Variants in PDE4D observed in about 807,000 individuals in gnomAD.
PDE4D encodes the protein phosphodiesterase 4D.
In PDE4D, 24 loss-of-function variants were observed where a neutral mutation model predicts 87.4. The observed-to-expected ratio is 0.27, with a 90% CI of 0.20 to 0.39. The LOEUF is 0.39. PDE4D is among the 10% of genes least tolerant of loss of function. The probability of loss-of-function intolerance (pLI) is 1.00; values close to 1 mark genes in which losing one functional copy is unlikely to be tolerated. For missense variants in PDE4D, 714 were observed against 1,041.0 expected (o/e 0.69, Z 4.32); for synonymous variants, 384 against 383.2 (o/e 1.00, Z -0.02).
chr5:59,594,397 T>C (rs1207573456), intron 1 of PDE4D, among the ~76,000 whole-genome samples: 1 of 151,976 alleles, frequency 6.6e-6, no homozygotes, highest in Non-Finnish European at 1.5e-5. Context: ...CTTGGCTCAC[T>C]GCAACTTCCG....
intron 1 of PDE4D, among the ~76,000 whole-genome samples, chr5:59,326,595 A>T (rs1186129008): frequency 1.3e-5 from 2 of 152,150 alleles, no homozygotes; most frequent in Non-Finnish European, 2.9e-5. Context: ...ATTAATAAAA[A>T]TCTAAAATTG....
At chr5:60,512,875 G>A (rs1429319084) in intron 1 of PDE4D, among the ~76,000 whole-genome samples, 2 of 152,144 alleles carry the variant, frequency 1.3e-5, no homozygotes, top group African/African-American at 2.4e-5. Flanking sequence ...TATCTAAATA[G>A]ATATTGACTG....
intron 1 of PDE4D, among the ~76,000 whole-genome samples, chr5:60,464,126 C>T (rs1247881288): frequency 6.6e-6 from 1 of 152,024 alleles, no homozygotes; most frequent in African/African-American, 2.4e-5. Flanking sequence ...TCCAGAAGAA[C>T]AAATCAATGT....
intron 1 of PDE4D, among the ~76,000 whole-genome samples, chr5:59,567,421 T>G (rs1318176099): frequency 6.6e-6 from 1 of 152,210 alleles, no homozygotes; most frequent in Admixed American, 6.5e-5. Context: ...ATCATAGATA[T>G]AGTTGTCATA....
intron 1 of PDE4D, among the ~76,000 whole-genome samples, chr5:59,331,607 G>A (rs1776740517): frequency 6.6e-6 from 1 of 152,182 alleles, no homozygotes; most frequent in African/African-American, 2.4e-5. Context: ...TGTGCTCTCA[G>A]TCCAGAATGA....
intron 1 of PDE4D, among the ~76,000 whole-genome samples, chr5:59,331,406 TC>T (rs140885861): frequency 0.018 from 2,692 of 152,220 alleles, 87 homozygotes; most frequent in African/African-American, 0.06. Context: ...CATCTTAATC[TC>T]CTTTTCTTAT....
At chr5:59,145,488 C>T (rs186766131) in intron 5 of PDE4D, among the ~76,000 whole-genome samples, 60 of 152,196 alleles carry the variant, frequency 3.9e-4, no homozygotes, top group African/African-American at 5.3e-4. Context: ...TCTATCTTTC[C>T]GCATGATTTT....
chr5:59,248,373 G>A lies in PDE4D; in HGVS notation c.456-32405C>T, dbSNP rs1759294056. ...TGGAGCTTTTCCTAGTGCCTGGTGA[G>A]TGGTTCCTGCTCTTGCATCTATCTG... On this transcript the variant is annotated intron_variant, in intron 1 of 14. Transcript: ENST00000340635. Among the ~76,000 whole-genome samples the A allele has an allele frequency of 2.0e-5, 3 of 151,614 alleles. No individual in the cohort carries two copies. The South Asian group carries it at 6.3e-4, about 32-fold the overall frequency.
In PDE4D at chr5:60,388,686, G is replaced by A. The variant is rs116180811; in HGVS notation, c.-90+99256C>T. ...GATCTGGAATGAGGGTATTTTGACC[G>A]ACAATCAGATTAGAGTCCTGCCTTG... On this transcript the variant is annotated intron_variant, in intron 1 of 16. Coordinates refer to the PDE4D transcript ENST00000502484. Among the ~76,000 whole-genome samples the A allele has an allele frequency of 7.8e-4, 119 of 152,272 alleles. 1 individual carries two copies. The highest frequency in any genetic ancestry group is 2.3e-3 in the African/African-American group (97 of 41,566).
Position 59,695,019 on chromosome 5 carries a change from C to T in PDE4D, c.455+198149G>A, listed in dbSNP as rs528382723. Among the ~76,000 whole-genome samples the T allele has an allele frequency of 1.8e-4, 27 of 152,230 alleles. No individual in the cohort carries two copies. The East Asian group carries it at 3.3e-3, about 19-fold the overall frequency. ...TTCAAATTGTATTAAAGTCGGGACC[C>T]CCCAGGAATACCCATCTGACTTACA... is the stretch of plus-strand genomic sequence containing the variant. On this transcript the variant is annotated intron_variant, in intron 1 of 14. Coordinates refer to ENST00000340635, the MANE Select transcript of PDE4D (RefSeq NM_001104631.2).
At chr5:59,639,357 T>G (rs1741147501) in intron 1 of PDE4D, among the ~76,000 whole-genome samples, 1 of 152,132 alleles carries the variant, frequency 6.6e-6, no homozygotes, top group African/African-American at 2.4e-5. Flanking sequence ...GGAAAGATAA[T>G]TGGTGCTTTA....
chr5:60,191,002 A>G (rs2149520792), intron 1 of PDE4D, among the ~76,000 whole-genome samples: 1 of 152,232 alleles, frequency 6.6e-6, no homozygotes, highest in African/African-American at 2.4e-5. Context: ...CACCTGAGAC[A>G]CATCCATTTC....
intron 1 of PDE4D, among the ~76,000 whole-genome samples, chr5:59,289,321 T>C (rs1767569836): frequency 6.6e-6 from 1 of 151,924 alleles, no homozygotes; most frequent in Non-Finnish European, 1.5e-5. Context: ...ACAAGCCTCC[T>C]GGTAATCGCA....
chr5:59,998,619 T>G lies in PDE4D; in HGVS notation c.43-9902A>C, dbSNP rs560936506. Reference sequence around the variant, plus strand: ...AATAATTTTCTAAGTTTAATGTTATTGCAAGAAAATCATCTCTTTTTTAGT... The same window carrying G: ...AATAATTTTCTAAGTTTAATGTTATGGCAAGAAAATCATCTCTTTTTTAGT... On this transcript the variant is annotated intron_variant, in intron 2 of 16. Transcript: ENST00000502484. Among the ~76,000 whole-genome samples the G allele has an allele frequency of 6.6e-5, 10 of 152,272 alleles. No homozygotes were observed. In the East Asian group the frequency reaches 1.9e-3, roughly 29 times the overall value.
At chr5:60,065,170 T>C (rs1771910730) in intron 2 of PDE4D, among the ~76,000 whole-genome samples, 1 of 152,106 alleles carries the variant, frequency 6.6e-6, no homozygotes, top group African/African-American at 2.4e-5. Flanking sequence ...AAGAAGCTCT[T>C]AATTCTGCTA....
chr5:59,630,568 T>C (rs1432082042), intron 1 of PDE4D, among the ~76,000 whole-genome samples: 1 of 152,202 alleles, frequency 6.6e-6, no homozygotes, highest in South Asian at 2.1e-4. Context: ...CCATGATTTG[T>C]TTGCTCAATT....
intron 1 of PDE4D, among the ~76,000 whole-genome samples, chr5:59,322,528 T>C (rs1454870597): frequency 6.6e-6 from 1 of 152,108 alleles, no homozygotes; most frequent in Non-Finnish European, 1.5e-5. Context: ...GGGCACTCCA[T>C]AGTTGGGAAC....
chr5:59,151,107 T>C (rs918783771), intron 5 of PDE4D, among the ~76,000 whole-genome samples: 2 of 152,182 alleles, frequency 1.3e-5, no homozygotes, highest in African/African-American at 4.8e-5. Context: ...GAATGACATT[T>C]ATTTTGATCT....
chr5:60,352,605 C>A (rs1759297312), intron 1 of PDE4D, among the ~76,000 whole-genome samples: 1 of 152,182 alleles, frequency 6.6e-6, no homozygotes, highest in Non-Finnish European at 1.5e-5. Context: ...TATTTTCAAT[C>A]TCTAGTTTGA....
Sources: gnomAD v4.1 joint callset for allele counts (sites outside exome capture counted in the v4.1 genomes callset) on GRCh38, gnomAD v4.1.1 for gene constraint, MANE v1.5 for transcripts, NCBI Gene and HGNC (gene_info 2026-07-23, HGNC 2026-07-21) for gene names.